The following TXNL4A variants were observed in gnomAD, a reference collection of about 807,000 sequenced individuals.
The protein encoded by TXNL4A is thioredoxin-like protein 4A.
TXNL4A carries 17 observed loss-of-function variants against 14.6 expected under a neutral mutation model. The observed-to-expected ratio is 1.16, with a 90% CI of 0.80 to 1.74. TXNL4A has a LOEUF of 1.74. Ranked by LOEUF, TXNL4A falls within the 40% of genes most tolerant of loss-of-function variation. TXNL4A has a pLI of 0.00. For missense variants in TXNL4A, 74 were observed against 195.2 expected, an observed-to-expected ratio of 0.38 and a Z score of 3.70; for synonymous variants, 83 against 70.6, an observed-to-expected ratio of 1.18 and a Z score of -0.88.
intron 1 of TXNL4A, among the ~76,000 whole-genome samples, chr18:80,019,078 T>C (rs1013275988): frequency 2.0e-5 from 3 of 152,238 alleles, no homozygotes; most frequent in Non-Finnish European, 4.4e-5. Flanking sequence ...TCTTGAGCCC[T>C]TCAAACTTTT....
At chr18:80,014,031 T>C (rs1343440585) in intron 1 of TXNL4A, among the ~76,000 whole-genome samples, 1 of 152,240 alleles carries the variant, frequency 6.6e-6, no homozygotes, top group Non-Finnish European at 1.5e-5. Flanking sequence ...TTATTCACTA[T>C]CCTGAGACTA....
chr18:79,986,839 A>T, intron 1 of TXNL4A: 1 of 914,942 alleles, frequency 1.1e-6, no homozygotes, highest in Non-Finnish European at 1.3e-6. Context: ...GCTCTTAGTC[A>T]ATTCTTCGCT....
intron 1 of TXNL4A, among the ~76,000 whole-genome samples, chr18:79,996,303 C>T (rs1211805110): frequency 6.6e-6 from 1 of 152,032 alleles, no homozygotes; most frequent in Non-Finnish European, 1.5e-5. Context: ...CTTACAACTG[C>T]CTGAATTTGA....
At chr18:80,003,839 G>GC (rs946093157) in intron 1 of TXNL4A, among the ~76,000 whole-genome samples, 13 of 152,160 alleles carry the variant, frequency 8.5e-5, no homozygotes, top group Non-Finnish European at 1.8e-4. Context: ...GCTGCAGGAT[G>GC]CAATGAATGC....
At chr18:80,017,934 A>C (rs1416821297) in intron 1 of TXNL4A, among the ~76,000 whole-genome samples, 2 of 151,514 alleles carry the variant, frequency 1.3e-5, no homozygotes, top group East Asian at 3.9e-4. Context: ...TTTCAGAAGG[A>C]ATGGTACCAG....
chr18:79,983,750 A>G (rs923968525), intron 1 of TXNL4A, among the ~76,000 whole-genome samples: 7 of 152,234 alleles, frequency 4.6e-5, no homozygotes, highest in South Asian at 2.1e-4. Context: ...AGAAGTAATC[A>G]CAGTAATAAC....
intron 1 of TXNL4A, among the ~76,000 whole-genome samples, chr18:80,003,270 G>A (rs1255331434): frequency 6.6e-6 from 1 of 152,242 alleles, no homozygotes; most frequent in Non-Finnish European, 1.5e-5. Context: ...GCAATGGCCT[G>A]AGGAGTACTT....
chr18:80,021,726 G>C (rs2051850528), intron 1 of TXNL4A, among the ~76,000 whole-genome samples: 1 of 152,222 alleles, frequency 6.6e-6, no homozygotes, highest in Non-Finnish European at 1.5e-5. Context: ...TGCAATGCTT[G>C]AGAAGGTTTT....
In TXNL4A at chr18:79,988,378, G is replaced by C. The variant is rs151017707; in HGVS notation, c.15C>G (p.Leu5=). Residue 5 remains leucine (L), a synonymous_variant, in exon 1 of 3, where the codon CTC becomes CTG. Transcript: ENST00000269601. ...CCTGCCAGCCGTTGTGCAGGTGCGG[G>C]AGCATGTACGACATGGCGGCCCGCG... The part of the protein sequence containing the change: MSYM[L]PHLHNGWQVD... The C allele has an allele frequency of 2.6e-6, 4 of 1,520,716 alleles. No individual in the cohort carries two copies. Among genetic ancestry groups the C allele is most frequent in the East Asian group, 2.5e-5 (1 of 39,692 alleles). 94.2% of individuals were successfully genotyped at this position (1,520,716 alleles called of 1,614,324 possible).
upstream of TXNL4A, among the ~76,000 whole-genome samples, chr18:79,991,235 AT>A (rs879754686): frequency 3.3e-5 from 5 of 152,052 alleles, no homozygotes; most frequent in Admixed American, 6.6e-5. Context: ...GGAGAATGTT[AT>A]CACCCCGAAA....
chr18:80,004,175 T>C (rs2051714863), intron 1 of TXNL4A, among the ~76,000 whole-genome samples: 1 of 151,574 alleles, frequency 6.6e-6, no homozygotes, highest in African/African-American at 2.4e-5. Context: ...AGTTAAGGGA[T>C]TCCTTGGGGC....
At position 79,973,664 on chromosome 18, in the gene TXNL4A, TC is replaced by T. The variant is rs779767228; in HGVS notation, c.*20del. On this transcript the variant is annotated 3_prime_UTR_variant, in exon 3 of 3. Coordinates refer to ENST00000269601, the MANE Select transcript of TXNL4A (RefSeq NM_006701.5). ...TACAAAAAGGGCTCCACGACATTTA[TC>T]CGCGCAGACTGAGGGCGCCTCAGTA... 1.9e-6 allele frequency: 3 copies of T among 1,596,688 alleles called. No individual in the cohort carries two copies. Among genetic ancestry groups the T allele is most frequent in the African/African-American group, 2.7e-5 (2 of 74,142 alleles).
At position 79,988,539 on chromosome 18, in the gene TXNL4A, G is replaced by A; in HGVS notation, c.-147C>T. ...CCCGCCCGCACACGCAAACTCCGCT[G>A]GGACTGCCACCCGGCAGAACGTCTG... On this transcript the variant is annotated 5_prime_UTR_variant, in exon 1 of 3. Coordinates refer to ENST00000269601, the MANE Select transcript of TXNL4A (RefSeq NM_006701.5). 4.8e-6 allele frequency: 4 copies of A among 837,808 alleles called. No homozygotes were observed. Among genetic ancestry groups the A allele is most frequent in the South Asian group, 4.6e-5 (1 of 21,646 alleles). 51.9% of individuals were successfully genotyped at this position (837,808 alleles called of 1,614,324 possible).
chr18:80,015,098 AT>A (rs2051798112), intron 1 of TXNL4A, among the ~76,000 whole-genome samples: 1 of 151,986 alleles, frequency 6.6e-6, no homozygotes, highest in Admixed American at 6.6e-5. Flanking sequence ...CCACAAAAAC[AT>A]TTTTTCCTCC....
intron 1 of TXNL4A, among the ~76,000 whole-genome samples, chr18:80,029,442 T>C (rs1204963883): frequency 6.6e-6 from 1 of 152,192 alleles, no homozygotes; most frequent in Admixed American, 6.5e-5. Flanking sequence ...GTTTTCTCAT[T>C]GGGTTAAAGC....
At position 79,977,121 on chromosome 18, in the gene TXNL4A, G is replaced by A. The variant is rs574318055; in HGVS notation, c.257+477C>T. 1.9e-3 allele frequency among the ~76,000 whole-genome samples: 295 copies of A among 152,020 alleles called. 1 individual carries two copies. Among genetic ancestry groups the A allele is most frequent in the Non-Finnish European group, 3.3e-3 (224 of 67,988 alleles). ...ATTACAGGTATGCACCACCACGCCC[G>A]GCTAATTTTGTATTTTTAGTAGAGA... On this transcript the variant is annotated intron_variant, in intron 2 of 2. Coordinates refer to ENST00000269601, the MANE Select transcript of TXNL4A (RefSeq NM_006701.5).
upstream of TXNL4A, among the ~76,000 whole-genome samples, chr18:79,991,064 T>C (rs1003236430): frequency 2.8e-5 from 4 of 145,292 alleles, no homozygotes; most frequent in Non-Finnish European, 5.9e-5. Context: ...GCCGAGATTG[T>C]ACCACTGCAC....
chr18:79,988,104 G>T, intron 1 of TXNL4A, 136 bp downstream of exon 1: 2 of 1,088,566 alleles, frequency 1.8e-6, no homozygotes, highest in Non-Finnish European at 1.2e-6. Flanking sequence ...CGCAGCGAGG[G>T]GAGGAATCGC....
At position 79,982,777 on chromosome 18, in the gene TXNL4A, C is replaced by T. The variant is rs2051483803; in HGVS notation, c.154-5076G>A. On this transcript the variant is annotated intron_variant, in intron 1 of 2. Coordinates refer to ENST00000269601, the MANE Select transcript of TXNL4A (RefSeq NM_006701.5). The surrounding 1 kb of genome is among the most constrained non-coding windows in gnomAD (Gnocchi z 4.0). ...TTCAGATAGGAGAGGCTGAAAGAGGCAGGCAGAGGGGAGCTCCCCAGCCTC... is the reference window on the plus strand; with the variant it reads ...TTCAGATAGGAGAGGCTGAAAGAGGTAGGCAGAGGGGAGCTCCCCAGCCTC... 6.6e-6 allele frequency among the ~76,000 whole-genome samples: 1 copy of T among 152,034 alleles called. No individual in the cohort carries two copies. The highest frequency in any genetic ancestry group is 2.4e-5 in the African/African-American group (1 of 41,380).
Sources: gnomAD v4.1 joint callset for allele counts (sites outside exome capture counted in the v4.1 genomes callset) on GRCh38, gnomAD v4.1.1 for gene constraint, Gnocchi (gnomAD v3.1) non-coding constraint, MANE v1.5 for transcripts, NCBI Gene and HGNC (gene_info 2026-07-23, HGNC 2026-07-21) for gene names.